PSME3IP1: variants seen among roughly 807,000 people sequenced by gnomAD.
PSME3IP1 encodes the protein proteasome activator subunit 3 interacting protein 1.
Under a neutral mutation model 34.1 loss-of-function variants are expected in PSME3IP1, and 13 were observed. The observed-to-expected ratio is 0.38, with a 90% CI of 0.25 to 0.61. The LOEUF (loss-of-function observed/expected upper bound fraction) is 0.61, where lower values mean the gene tolerates loss of function less well. Ranked by LOEUF, PSME3IP1 falls within the 20% of genes least tolerant of loss-of-function variation. The probability of loss-of-function intolerance (pLI) is 0.60; values close to 1 mark genes in which losing one functional copy is unlikely to be tolerated. For missense variants in PSME3IP1, 237 were observed against 301.4 expected, an observed-to-expected ratio of 0.79 and a Z score of 1.58; for synonymous variants, 93 against 114.3, an observed-to-expected ratio of 0.81 and a Z score of 1.19.
intron 1 of PSME3IP1, among the ~76,000 whole-genome samples, chr16:57,176,941 G>A (rs748667175): frequency 2.0e-5 from 3 of 151,880 alleles, no homozygotes; most frequent in African/African-American, 4.8e-5. Context: ...TGCAACCTCC[G>A]CTTCCCAGAT....
intron 6 of PSME3IP1, among the ~76,000 whole-genome samples, chr16:57,158,336 C>T (rs1231066717): frequency 6.6e-6 from 1 of 152,082 alleles, no homozygotes; most frequent in East Asian, 1.9e-4. Context: ...GCCTGTAATC[C>T]CAACACTTTG....
intron 1 of PSME3IP1, chr16:57,178,931 G>A (rs1275075572): frequency 2.8e-6 from 1 of 351,040 alleles, no homozygotes; most frequent in African/African-American, 2.2e-5. Flanking sequence ...ATTAGATTGT[G>A]TTGACTTCTA....
intron 6 of PSME3IP1, among the ~76,000 whole-genome samples, chr16:57,161,789 G>T (rs2071274511): frequency 6.6e-6 from 1 of 152,140 alleles, no homozygotes; most frequent in Non-Finnish European, 1.5e-5. Flanking sequence ...GGGATTACAG[G>T]TGGGAGTCAC....
intron 1 of PSME3IP1, among the ~76,000 whole-genome samples, chr16:57,176,073 C>T (rs1372753592): frequency 2.6e-5 from 4 of 152,202 alleles, no homozygotes; most frequent in Non-Finnish European, 4.4e-5. Flanking sequence ...ATGACTCCAG[C>T]CAGAGGCTCA....
chr16:57,174,393 G>A (rs2072977634), intron 1 of PSME3IP1: 17 of 950,908 alleles, frequency 1.8e-5, no homozygotes, highest in Non-Finnish European at 2.1e-5. Context: ...TATTAACATC[G>A]ATGTTATCTA....
At position 57,152,908 on chromosome 16, in the gene PSME3IP1, TG is replaced by T. The variant is rs1176572784; in HGVS notation, c.*1381del. 2.0e-5 allele frequency: 3 copies of T among 152,632 alleles called. No homozygotes were observed. The highest frequency in any genetic ancestry group is 7.2e-5 in the African/African-American group (3 of 41,462). The allele number at this position is 152,632 out of a possible 1,614,324, so 9.5% of individuals were successfully genotyped here. A position where few individuals can be genotyped will look rare whatever the true frequency, so the allele number is the denominator to read the frequency against. ...TACTGGAAGGGGAAAAGGAGTGGGC[TG>T]GATGAGATCCAGGGGCCTCTCTGCC... On this transcript the variant is annotated 3_prime_UTR_variant, in exon 7 of 7. Coordinates refer to ENST00000309137, the MANE Select transcript of PSME3IP1 (RefSeq NM_024946.4).
chr16:57,163,867 G>T, intron 6 of PSME3IP1, 134 bp downstream of exon 6: 1 of 868,186 alleles, frequency 1.2e-6, no homozygotes, highest in Non-Finnish European at 1.9e-6. Flanking sequence ...GCATAAAAAA[G>T]TTGGGTAAAT....
chr16:57,160,342 T>C (rs188490777), intron 6 of PSME3IP1, among the ~76,000 whole-genome samples: 23 of 152,248 alleles, frequency 1.5e-4, no homozygotes, highest in African/African-American at 5.1e-4. Context: ...TTTATGTGTG[T>C]GTGTGTATAC....
At chr16:57,172,926 TCA>T in intron 2 of PSME3IP1, 52 bp from the exon 3 acceptor site, 1 of 1,122,398 alleles carries the variant, frequency 8.9e-7, no homozygotes, top group South Asian at 1.2e-5. Context: ...GATATACACT[TCA>T]GATTGTTTTC....
chr16:57,182,571 A>C (rs1467435701), intron 1 of PSME3IP1, among the ~76,000 whole-genome samples: 1 of 150,526 alleles, frequency 6.6e-6, no homozygotes, highest in South Asian at 2.1e-4. Flanking sequence ...AAAAAAAAAA[A>C]AAAAACTTTG....
chr16:57,173,903 T>A lies in PSME3IP1; in HGVS notation c.-15-34A>T, dbSNP rs140778950. The A allele has an allele frequency of 4.7e-3, 7,506 of 1,595,410 alleles. 27 individuals are homozygous for A. Among genetic ancestry groups the A allele is most frequent in the Middle Eastern group, 6.5e-3 (39 of 5,982 alleles). Reference sequence around the variant, plus strand: ...CAAAAACAAAAACAAAAAAAATCATTTCAAGTGAGAACTGCAATTAAAATT... The same window carrying A: ...CAAAAACAAAAACAAAAAAAATCATATCAAGTGAGAACTGCAATTAAAATT... On this transcript the variant is annotated intron_variant, in intron 1 of 6. Coordinates refer to ENST00000309137, the MANE Select transcript of PSME3IP1 (RefSeq NM_024946.4).
chr16:57,159,977 CA>C (rs1386957591), intron 6 of PSME3IP1, among the ~76,000 whole-genome samples: 53 of 152,086 alleles, frequency 3.5e-4, no homozygotes, highest in African/African-American at 1.2e-3. Flanking sequence ...ATAGTCACTG[CA>C]CTACAGCCTA....
At chr16:57,173,018 T>A in intron 2 of PSME3IP1, 144 bp from the exon 3 acceptor site, 1 of 610,092 alleles carries the variant, frequency 1.6e-6, no homozygotes, top group African/African-American at 1.9e-5. Flanking sequence ...AACACAAAAA[T>A]AGTACAAAGT....
Position 57,185,945 on chromosome 16 carries a change from GGAAT to G in PSME3IP1, c.-144_-141del, listed in dbSNP as rs1174234412. ...AGGAAGAAAGAAAGAAACAGAGGAA[GGAAT>G]GAATGAAAGAAAGAAAAAAAAAAAG... is the stretch of plus-strand genomic sequence containing the variant. On this transcript the variant is annotated 5_prime_UTR_variant, in exon 1 of 7. Transcript: ENST00000309137. The G allele has an allele frequency of 8.5e-5, 84 of 984,608 alleles. No individual in the cohort carries two copies. In the African/African-American group the frequency reaches 1.3e-3, roughly 15 times the overall value. The allele number at this position is 984,608 out of a possible 1,614,324, so 61.0% of individuals were successfully genotyped here.
rs370998549 is a variant in PSME3IP1 at position 57,154,282 on chromosome 16, C to T, written c.*8G>A. 47 of 1,612,888 alleles carry T rather than the reference C, an allele frequency of 2.9e-5. No individual in the cohort carries two copies. The South Asian group carries it at 3.1e-4, about 11-fold the overall frequency. On this transcript the variant is annotated 3_prime_UTR_variant, in exon 7 of 7. Transcript: ENST00000309137. The surrounding 1 kb of genome is among the most constrained non-coding windows in gnomAD (Gnocchi z 4.0). ...TGGGGAGGAGCTCCCTGTGTAGGGACGGAGAAACTAGGGGGCCTCGAGGAA... is the reference window on the plus strand; with the variant it reads ...TGGGGAGGAGCTCCCTGTGTAGGGATGGAGAAACTAGGGGGCCTCGAGGAA...
intron 1 of PSME3IP1, among the ~76,000 whole-genome samples, chr16:57,185,356 G>T (rs950859367): frequency 3.3e-5 from 5 of 152,168 alleles, no homozygotes; most frequent in African/African-American, 4.8e-5. Context: ...CTTGTTTTCC[G>T]TAATAGAAAA....
intron 5 of PSME3IP1, 72 bp from the exon 6 acceptor site, chr16:57,164,137 C>G: frequency 7.4e-7 from 1 of 1,353,288 alleles, no homozygotes; most frequent in Non-Finnish European, 1.1e-6. Flanking sequence ...TCAGGAGCTC[C>G]AATAACTATT....
chr16:57,154,398 A>G lies in PSME3IP1; in HGVS notation c.657T>C (p.Ser219=). Residue 219 remains serine, a synonymous_variant, in exon 7 of 7, where the codon TCT becomes TCC. Transcript: ENST00000309137. The surrounding 1 kb of genome is among the most constrained non-coding windows in gnomAD (Gnocchi z 4.0). ...AGCTGGACTCGGAGTCGCTGCTCCC[A>G]GAGTAGGCACCCAGGCCTGGGAGGA... ...IGILPGLGAY[S]GSSDSESSSD... 1 of 1,614,094 alleles carries G rather than the reference A, an allele frequency of 6.2e-7. No homozygotes were observed. Among genetic ancestry groups the G allele is most frequent in the East Asian group, 2.2e-5 (1 of 44,872 alleles).
intron 6 of PSME3IP1, among the ~76,000 whole-genome samples, chr16:57,162,587 C>T (rs1013632592): frequency 1.3e-5 from 2 of 150,866 alleles, no homozygotes; most frequent in Non-Finnish European, 1.5e-5. Flanking sequence ...ATTGCTTAAA[C>T]CAGGAAGGCA....
Sources: gnomAD v4.1 joint callset for allele counts (sites outside exome capture counted in the v4.1 genomes callset) on GRCh38, gnomAD v4.1.1 for gene constraint, Gnocchi (gnomAD v3.1) non-coding constraint, MANE v1.5 for transcripts, NCBI Gene and HGNC (gene_info 2026-07-23, HGNC 2026-07-21) for gene names.